The following RREB1 variants were observed in gnomAD, a reference collection of about 807,000 sequenced individuals.
RREB1 encodes the protein ras-responsive element-binding protein 1.
Under a neutral mutation model 117.8 loss-of-function variants are expected in RREB1, and 27 were observed. The ratio of observed to expected loss-of-function variants is 0.23; its 90% CI spans 0.17 to 0.32. RREB1 has a LOEUF of 0.32. Ranked by LOEUF, RREB1 falls within the 10% of genes least tolerant of loss-of-function variation. The pLI, the probability that RREB1 is intolerant of heterozygous loss-of-function variation, is 1.00. For synonymous variants in RREB1, 1,298 were observed against 1,026.7 expected (o/e 1.26, Z -5.05); for missense variants, 2,577 against 2,378.2 (o/e 1.08, Z -1.74).
chr6:7,151,498 G>A (rs750139799), intron 1 of RREB1, among the ~76,000 whole-genome samples: 1 of 152,236 alleles, frequency 6.6e-6, no homozygotes, highest in Non-Finnish European at 1.5e-5. Context: ...ACTTCAAAGT[G>A]CTTGGGGTGT....
At chr6:7,166,440 G>A (rs976019909) in intron 1 of RREB1, among the ~76,000 whole-genome samples, 4 of 152,196 alleles carry the variant, frequency 2.6e-5, no homozygotes, top group Admixed American at 1.3e-4. Context: ...TCTTAGAGGC[G>A]AATTTGGGGG....
intron 1 of RREB1, among the ~76,000 whole-genome samples, chr6:7,141,108 G>T (rs1046592101): frequency 6.6e-6 from 1 of 152,330 alleles, no homozygotes; most frequent in African/African-American, 2.4e-5. Flanking sequence ...GCCCGCGTCA[G>T]GGCTCCACGG....
At chr6:7,191,015 C>G (rs769969248) in intron 6 of RREB1, among the ~76,000 whole-genome samples, 1 of 152,242 alleles carries the variant, frequency 6.6e-6, no homozygotes, top group Non-Finnish European at 1.5e-5. Flanking sequence ...CATGAGACAT[C>G]TCTTGATGGT....
chr6:7,205,008 A>T (rs750021533), intron 6 of RREB1, among the ~76,000 whole-genome samples: 1 of 152,236 alleles, frequency 6.6e-6, no homozygotes, highest in Non-Finnish European at 1.5e-5. Flanking sequence ...TGGTAAACTG[A>T]TGGAGAGACT....
At chr6:7,138,634 T>G (rs573799394) in intron 1 of RREB1, among the ~76,000 whole-genome samples, 1 of 152,292 alleles carries the variant, frequency 6.6e-6, no homozygotes, top group Admixed American at 6.5e-5. Context: ...AAATTGACAG[T>G]TTTCTAGCTC....
At chr6:7,150,516 A>T (rs1351598282) in intron 1 of RREB1, among the ~76,000 whole-genome samples, 1 of 152,156 alleles carries the variant, frequency 6.6e-6, no homozygotes, top group Non-Finnish European at 1.5e-5. Flanking sequence ...ATACCTCCTG[A>T]TTGCTATGCT....
intron 1 of RREB1, among the ~76,000 whole-genome samples, chr6:7,139,568 T>G (rs2113379103): frequency 6.6e-6 from 1 of 152,350 alleles, no homozygotes; most frequent in South Asian, 2.1e-4. Context: ...ATAACCTATG[T>G]GTAGCTATTC....
At chr6:7,153,193 C>T (rs1187659061) in intron 1 of RREB1, among the ~76,000 whole-genome samples, 2 of 149,106 alleles carry the variant, frequency 1.3e-5, no homozygotes, top group African/African-American at 2.5e-5. Flanking sequence ...AGCTCATTAC[C>T]TACATGTTAA....
chr6:7,171,947 CTTT>C (rs894735058), intron 1 of RREB1, among the ~76,000 whole-genome samples: 5 of 139,372 alleles, frequency 3.6e-5, no homozygotes, highest in Admixed American at 7.3e-5. Flanking sequence ...GACCATTAGT[CTTT>C]TTTTTTTTTT....
rs1242415258 is a variant in RREB1 at position 7,246,571 on chromosome 6, C to A, written c.4121C>A (p.Ala1374Asp). ...APVEQATAET[A>D]SPVHREEHGR... ...GTGGAGCAGGCCACGGCGGAAACGG[C>A]CTCGCCGGTGCACCGGGAAGAGCAC... Residue 1374 changes from alanine to aspartate, a missense_variant, in exon 12 of 13, where the codon GCC becomes GAC. Transcript: ENST00000379938. 65 of 1,549,756 alleles carry A rather than the reference C, an allele frequency of 4.2e-5. No individual in the cohort carries two copies. The highest frequency in any genetic ancestry group is 9.5e-5 in the African/African-American group (7 of 73,310).
At chr6:7,205,213 C>T (rs1766207054) in intron 6 of RREB1, among the ~76,000 whole-genome samples, 1 of 152,160 alleles carries the variant, frequency 6.6e-6, no homozygotes, top group South Asian at 2.1e-4. Flanking sequence ...ACTGCTGGGC[C>T]CCGACCCAGC....
chr6:7,190,039 A>G (rs1561771148), intron 6 of RREB1, among the ~76,000 whole-genome samples: 1 of 152,200 alleles, frequency 6.6e-6, no homozygotes, highest in Non-Finnish European at 1.5e-5. Flanking sequence ...GTTTATTTCA[A>G]AAGAAAACTT....
At chr6:7,168,254 GAAAAAAAAAA>G (rs574593859) in intron 1 of RREB1, among the ~76,000 whole-genome samples, 1 of 72,930 alleles carries the variant, frequency 1.4e-5, no homozygotes. Flanking sequence ...GACTCCGTCT[GAAAAAAAAAA>G]AAAAAAAAAA....
chr6:7,181,201 C>T lies in RREB1; in HGVS notation c.-88C>T. 1 of 398,730 alleles carries T rather than the reference C, an allele frequency of 2.5e-6. No homozygotes were observed. The highest frequency in any genetic ancestry group is 4.4e-6 in the Non-Finnish European group (1 of 226,188). 24.7% of individuals were successfully genotyped at this position (398,730 alleles called of 1,614,324 possible). Reference sequence around the variant, plus strand: ...TTCTACTCCGTGTGAATGATAGCTACAGCAGGGGAAAGTTTCATAGTCTAT... The same window carrying T: ...TTCTACTCCGTGTGAATGATAGCTATAGCAGGGGAAAGTTTCATAGTCTAT... On this transcript the variant is annotated 5_prime_UTR_variant, in exon 3 of 13. Transcript: ENST00000379938.
In RREB1 at chr6:7,150,010, T is replaced by TA. The variant is rs1314707346; in HGVS notation, c.-284-26644dup. Among the ~76,000 whole-genome samples, 5 of 151,312 alleles carry TA rather than the reference T, an allele frequency of 3.3e-5. No homozygotes were observed. The East Asian group carries it at 5.8e-4, about 18-fold the overall frequency. ...GGCCTGGTTGGTTTTTTTTTTTTTT[T>TA]ATTCTTTTTTCAAGGTTATTTGCTA... On this transcript the variant is annotated intron_variant, in intron 1 of 12. Coordinates refer to ENST00000379938, the MANE Select transcript of RREB1 (RefSeq NM_001003699.4).
chr6:7,112,631 A>G (rs1444793983), intron 1 of RREB1, among the ~76,000 whole-genome samples: 1 of 152,126 alleles, frequency 6.6e-6, no homozygotes. Context: ...ACCCAGAGGG[A>G]GGCATACGGT....
chr6:7,124,414 T>C (rs1761819947), intron 1 of RREB1, among the ~76,000 whole-genome samples: 1 of 152,236 alleles, frequency 6.6e-6, no homozygotes, highest in African/African-American at 2.4e-5. Flanking sequence ...AGGGCTCATT[T>C]GGCCAGCTTG....
In RREB1 at chr6:7,231,591, C is replaced by T. The variant is rs573898783; in HGVS notation, c.3492C>T (p.Arg1164=). The T allele has an allele frequency of 3.6e-5, 58 of 1,611,852 alleles. No homozygotes were observed. Among genetic ancestry groups the T allele is most frequent in the Admixed American group, 8.4e-5 (5 of 59,860 alleles). ...AAAGGGGGATGAGGAGCCGACCCCGCGCCAACAGCGGCGGGGTGGACCTGG... is the reference window on the plus strand; with the variant it reads ...AAAGGGGGATGAGGAGCCGACCCCGTGCCAACAGCGGCGGGGTGGACCTGG... The part of the protein sequence containing the change: ...GRKRGMRSRP[R]ANSGGVDLDS... Residue 1164 remains arginine, a synonymous_variant, in exon 10 of 13, where the codon CGC becomes CGT. Coordinates refer to ENST00000379938, the MANE Select transcript of RREB1 (RefSeq NM_001003699.4).
At chr6:7,119,879 GA>G in intron 1 of RREB1, among the ~76,000 whole-genome samples, 1 of 152,010 alleles carries the variant, frequency 6.6e-6, no homozygotes, top group Non-Finnish European at 1.5e-5. Context: ...GGTGGCAGTA[GA>G]AAAAGGGAGC....
Sources: gnomAD v4.1 joint callset for allele counts (sites outside exome capture counted in the v4.1 genomes callset) on GRCh38, gnomAD v4.1.1 for gene constraint, MANE v1.5 for transcripts, NCBI Gene and HGNC (gene_info 2026-07-23, HGNC 2026-07-21) for gene names.